The following ANAPC2 variants were observed in gnomAD, a reference collection of about 807,000 sequenced individuals.
ANAPC2 encodes anaphase promoting complex subunit 2, also known as anaphase-promoting complex subunit 2.
A neutral mutation model predicts 84.3 loss-of-function variants in ANAPC2; 29 were observed. The observed-to-expected ratio is 0.34, with a 90% confidence interval of 0.26 to 0.47. The LOEUF (loss-of-function observed/expected upper bound fraction) is 0.47. Ranked by LOEUF, ANAPC2 falls within the 20% of genes least tolerant of loss-of-function variation. The pLI is 1.00. For missense variants in ANAPC2, 857 were observed against 1,131.7 expected (o/e 0.76, Z 3.48); for synonymous variants, 571 against 479.4 (o/e 1.19, Z -2.50).
chr9:137,175,945 C>G, intron 10 of ANAPC2, 108 bp from the exon 11 acceptor site: 6 of 1,381,066 alleles, frequency 4.3e-6, no homozygotes, highest in Non-Finnish European at 5.8e-6. Flanking sequence ...CCACCTGCCC[C>G]ACCCCACCCT....
intron 10 of ANAPC2, among the ~76,000 whole-genome samples, chr9:137,177,544 G>C (rs1323902250): frequency 6.7e-6 from 1 of 148,686 alleles, no homozygotes; most frequent in East Asian, 2.0e-4. Context: ...TGAGATGTGT[G>C]TGGAACTTTG....
At chr9:137,184,709 A>G (rs1458468287) in intron 4 of ANAPC2, among the ~76,000 whole-genome samples, 4 of 141,112 alleles carry the variant, frequency 2.8e-5, no homozygotes, top group Non-Finnish European at 1.5e-5. Flanking sequence ...GCGAAGGCAC[A>G]GGGAGCCCAA....
At position 137,181,696 on chromosome 9, in the gene ANAPC2, C is replaced by T. The variant is rs1834347038; in HGVS notation, c.1453G>A (p.Val485Met). ...GCAAGCTAACCTGGATCGGCATCCA[C>T]AGGGTCCGGGACCCAGTCCTCTGGC... ...GEPEDWVPDP[V>M]DADPGKSSSK... Residue 485 changes from valine to methionine, a missense_variant, in exon 7 of 13, where the codon GTG becomes ATG. Coordinates refer to ENST00000323927, the MANE Select transcript of ANAPC2 (RefSeq NM_013366.4). 2.5e-6 allele frequency: 4 copies of T among 1,600,504 alleles called. No homozygotes were observed. Among genetic ancestry groups the T allele is most frequent in the Non-Finnish European group, 3.4e-6 (4 of 1,172,294 alleles).
intron 4 of ANAPC2, 135 bp from the exon 5 acceptor site, chr9:137,183,926 ACCAGACATCC>A (rs1834397376): frequency 8.4e-7 from 1 of 1,192,336 alleles, no homozygotes; most frequent in Admixed American, 2.2e-5. Flanking sequence ...CCTGCTAGGC[ACCAGACATCC>A]CCCCGACACT....
At position 137,183,781 on chromosome 9, in the gene ANAPC2, G is replaced by A; in HGVS notation, c.1059C>T (p.Asp353=). The change falls in exon 5 of 13, where the codon GAC becomes GAT. Residue 353 remains aspartate (D), a synonymous_variant. Coordinates refer to ENST00000323927, the MANE Select transcript of ANAPC2 (RefSeq NM_013366.4). ...TGAGGTCCTCGATGGCTGGCCGGGA[G>A]TCTGGGAAGTCTACAAGAAGAAGAA... ...ELFSIVRDFP[D]SRPAIEDLKY... 1 of 1,613,230 alleles carries A rather than the reference G, an allele frequency of 6.2e-7. No individual in the cohort carries two copies. The highest frequency in any genetic ancestry group is 1.3e-5 in the African/African-American group (1 of 75,048).
At chr9:137,186,018 G>A (rs1834459202) in intron 3 of ANAPC2, among the ~76,000 whole-genome samples, 1 of 152,168 alleles carries the variant, frequency 6.6e-6, no homozygotes, top group African/African-American at 2.4e-5. Context: ...GCGCAGATCC[G>A]AAGAGCGCAC....
In ANAPC2 at chr9:137,183,795, C is replaced by A. The variant is rs373672659; in HGVS notation, c.1049-4G>T. On this transcript the variant is annotated splice_polypyrimidine_tract_variant and splice_region_variant and intron_variant, in intron 4 of 12. Coordinates refer to ENST00000323927, the MANE Select transcript of ANAPC2 (RefSeq NM_013366.4). Reference sequence around the variant, plus strand: ...GCTGGCCGGGAGTCTGGGAAGTCTACAAGAAGAAGAACATCCCTCAGGGAC... The same window carrying A: ...GCTGGCCGGGAGTCTGGGAAGTCTAAAAGAAGAAGAACATCCCTCAGGGAC... The A allele has an allele frequency of 1.2e-6, 2 of 1,612,878 alleles. No homozygotes were observed. Among genetic ancestry groups the A allele is most frequent in the Admixed American group, 1.7e-5 (1 of 59,998 alleles).
rs1374281059 is a variant in ANAPC2 at position 137,180,460 on chromosome 9, T to C, written c.1678A>G (p.Met560Val). ...GEAPMHFCEV[M>V]LKDMADSRRI... ...GCGGGGCTGGGACCCACCTTCAGCATGACTTCACAGAAGTGCATTGGGGCC... is the reference window on the plus strand; with the variant it reads ...GCGGGGCTGGGACCCACCTTCAGCACGACTTCACAGAAGTGCATTGGGGCC... The change falls in exon 9 of 13, where the codon ATG (methionine) becomes GTG (valine). Residue 560 changes from methionine (M) to valine (V), a missense_variant. By Grantham distance (21) the Met-to-Val change is conservative. This residue lies in a region of ANAPC2 where 425 missense variants were observed against 595.5 expected (regional missense o/e 0.71). Coordinates refer to ENST00000323927, the MANE Select transcript of ANAPC2 (RefSeq NM_013366.4). 2 of 1,612,838 alleles carry C rather than the reference T, an allele frequency of 1.2e-6. No homozygotes were observed. The highest frequency in any genetic ancestry group is 1.3e-5 in the African/African-American group (1 of 74,950).
intron 1 of ANAPC2, 120 bp downstream of exon 1, chr9:137,188,296 G>A: frequency 1.5e-6 from 2 of 1,307,940 alleles, no homozygotes; most frequent in South Asian, 1.4e-5. Context: ...GGTGGAAAAT[G>A]GCAGGACAGG....
In ANAPC2 at chr9:137,175,416, G is replaced by C; in HGVS notation, c.2077C>G (p.Arg693Gly). 6.2e-7 allele frequency: 1 copy of C among 1,605,942 alleles called. No homozygotes were observed. Among genetic ancestry groups the C allele is most frequent in the Non-Finnish European group, 8.5e-7 (1 of 1,177,142 alleles). The part of the protein sequence containing the change: ...KAVKMPVALL[R>G]RRMSVWLQQG... ...TGCAGCCACACGGACATCCGCCGCC[G>C]CAGCAGCGCCACGGGCATCTTCACC... The change falls in exon 12 of 13, where the codon CGG becomes GGG. Residue 693 changes from arginine (R) to glycine (G), a missense_variant. By Grantham distance (125) the Arg-to-Gly change is moderately radical. Around this residue, in one of 3 missense-constraint regions of ANAPC2, gnomAD observed 425 missense variants for 595.5 expected, o/e 0.71. Coordinates refer to ENST00000323927, the MANE Select transcript of ANAPC2 (RefSeq NM_013366.4).
chr9:137,181,909 C>T (rs28651923), intron 6 of ANAPC2, 47 bp from the exon 7 acceptor site: 5 of 1,555,518 alleles, frequency 3.2e-6, no homozygotes, highest in South Asian at 2.4e-5. Flanking sequence ...ACACCCCGCG[C>T]GCACCTCCCA....
rs573688267 is a variant in ANAPC2 at position 137,182,211 on chromosome 9, G to A, written c.1287-349C>T. On this transcript the variant is annotated intron_variant, in intron 6 of 12. Transcript: ENST00000323927. ...GAGCGAGAGCCTGCCTCAAAAAAAA[G>A]AAAAAGAAAAAGAAAAAAGGGCCGG... 4.6e-5 allele frequency among the ~76,000 whole-genome samples: 7 copies of A among 151,968 alleles called. No individual in the cohort carries two copies. The South Asian group carries it at 1.2e-3, about 27-fold the overall frequency.
chr9:137,188,468 A>T lies in ANAPC2; in HGVS notation c.65T>A (p.Val22Glu), dbSNP rs147593956. ...SDSRPGQELL[V>E]AWNTVSTGLV... ...GCCGGTGCTCACGGTGTTCCAGGCC[A>T]CTAACAACTCCTGTCCGGGCCGGGA... Residue 22 changes from valine to glutamate, a missense_variant, in exon 1 of 13, where the codon GTG becomes GAG. By Grantham distance (121) the Val-to-Glu change is moderately radical. This residue lies in a region of ANAPC2 where 428 missense variants were observed against 513.8 expected (regional missense o/e 0.83). Transcript: ENST00000323927. 6.2e-7 allele frequency: 1 copy of T among 1,610,500 alleles called. No individual in the cohort carries two copies. The highest frequency in any genetic ancestry group is 1.3e-5 in the African/African-American group (1 of 75,002).
intron 10 of ANAPC2, among the ~76,000 whole-genome samples, chr9:137,177,953 C>T (rs1447204416): frequency 2.0e-5 from 3 of 152,144 alleles, no homozygotes; most frequent in Non-Finnish European, 2.9e-5. Context: ...CTAGAGCCTT[C>T]GGAGGGCCCT....
chr9:137,182,939 A>G (rs957004218), intron 6 of ANAPC2, among the ~76,000 whole-genome samples, 186 bp downstream of exon 6: 1 of 152,220 alleles, frequency 6.6e-6, no homozygotes, highest in Non-Finnish European at 1.5e-5. Flanking sequence ...TGTGACAAGG[A>G]CAGGTGCCCG....
chr9:137,187,394 C>T, intron 2 of ANAPC2, 87 bp downstream of exon 2: 2 of 1,507,176 alleles, frequency 1.3e-6, no homozygotes, highest in East Asian at 2.3e-5. Context: ...GACGGCTCAC[C>T]AGCTTTCTGC....
At chr9:137,181,990 G>C (rs1406971293) in intron 6 of ANAPC2, 128 bp from the exon 7 acceptor site, 1 of 973,892 alleles carries the variant, frequency 1.0e-6, no homozygotes, top group Non-Finnish European at 1.5e-6. Context: ...GTGGTGATGG[G>C]CTATGTACTA....
At chr9:137,179,238 C>T (rs899674173) in intron 10 of ANAPC2, among the ~76,000 whole-genome samples, 1 of 152,150 alleles carries the variant, frequency 6.6e-6, no homozygotes, top group African/African-American at 2.4e-5. Flanking sequence ...GGGTGCCCGC[C>T]TCCCCCCAGT....
intron 7 of ANAPC2, 65 bp downstream of exon 7, chr9:137,181,616 A>G (rs1834345296): frequency 6.8e-7 from 1 of 1,479,194 alleles, no homozygotes; most frequent in East Asian, 2.4e-5. Flanking sequence ...GGATGAGTCC[A>G]GAGCGGACGG....
Sources: gnomAD v4.1 joint callset for allele counts (sites outside exome capture counted in the v4.1 genomes callset) on GRCh38, gnomAD v4.1.1 for gene constraint, gnomAD v4.1.1 regional missense constraint, MANE v1.5 for transcripts, NCBI Gene and HGNC (gene_info 2026-07-23, HGNC 2026-07-21) for gene names.